The following POLR3E variants were observed in gnomAD, a reference collection of about 807,000 sequenced individuals.
The protein encoded by POLR3E is RNA polymerase III subunit E.
In POLR3E, 41 loss-of-function variants were observed where a neutral mutation model predicts 96.6. The observed-to-expected ratio is 0.42, with a 90% confidence interval of 0.33 to 0.55. POLR3E has a LOEUF of 0.55. Among genes scored for constraint, POLR3E ranks in the 20% least tolerant of loss-of-function variants. The pLI is 0.06. For missense variants in POLR3E, 849 were observed against 952.1 expected, an observed-to-expected ratio of 0.89 and a Z score of 1.43; for synonymous variants, 396 against 383.6, an observed-to-expected ratio of 1.03 and a Z score of -0.38.
chr16:22,332,967 CTTTTTTTTTTTTT>C lies in POLR3E; in HGVS notation c.2071-665_2071-653del, dbSNP rs1166614906. The stretch of plus-strand genomic sequence containing the variant: ...TCAGTATCTGTATTTCGTAGACCCC[CTTTTTTTTTTTTT>C]TTTTTTTTTTTGAGATGGAGTTTTG... On this transcript the variant is annotated intron_variant, in intron 20 of 20. Transcript: ENST00000299853. 8.3e-4 allele frequency among the ~76,000 whole-genome samples: 61 copies of C among 73,062 alleles called. 1 individual carries two copies. Among genetic ancestry groups the C allele is most frequent in the Admixed American group, 3.6e-3 (22 of 6,136 alleles). 47.9% of individuals were successfully genotyped at this position (73,062 alleles called of 152,430 possible). A position where few individuals can be genotyped will look rare whatever the true frequency, so the allele number is the denominator to read the frequency against.
rs1485496475 is a variant in POLR3E at position 22,309,234 on chromosome 16, C to G, written c.281+194C>G. 8 of 688,266 alleles carry G rather than the reference C, an allele frequency of 1.2e-5. No homozygotes were observed. The East Asian group carries it at 1.5e-4, about 13-fold the overall frequency. 42.6% of individuals were successfully genotyped at this position (688,266 alleles called of 1,614,324 possible). On this transcript the variant is annotated intron_variant, in intron 5 of 20. Coordinates refer to ENST00000299853, the MANE Select transcript of POLR3E (RefSeq NM_018119.4). ...CCCAGAGCTCCTACCCACTCCTCGT[C>G]TCTTGGTCTACAAACAAGGCCATGG...
At chr16:22,317,308 C>T in intron 12 of POLR3E, 102 bp downstream of exon 12, 1 of 821,690 alleles carries the variant, frequency 1.2e-6, no homozygotes, top group Admixed American at 2.1e-5. Flanking sequence ...GCCAGAGGCC[C>T]CTGCTGCCCA....
At chr16:22,305,310 C>T (rs2048112391) in intron 3 of POLR3E, 104 bp downstream of exon 3, 2 of 850,366 alleles carry the variant, frequency 2.4e-6, no homozygotes, top group East Asian at 2.4e-5. Context: ...AGCTAGGGTT[C>T]TCGGTGTGGA....
At chr16:22,298,994 G>A (rs13333149) in intron 1 of POLR3E, 20,666 of 455,800 alleles carry the variant, frequency 0.045, 1,009 homozygotes, top group African/African-American at 0.15. Flanking sequence ...TGGAGCTTAC[G>A]TTCTATTGCA....
chr16:22,309,421 G>A lies in POLR3E; in HGVS notation c.282-7G>A, dbSNP rs2048199198. ...CCCCTGTGACGTTGCTTCTCCCTGT[G>A]CTCCAGGAAGCTGATGGACAAGCAG... On this transcript the variant is annotated splice_polypyrimidine_tract_variant and splice_region_variant and intron_variant, in intron 5 of 20. Transcript: ENST00000299853. The A allele has an allele frequency of 6.2e-7, 1 of 1,610,872 alleles. No homozygotes were observed. The highest frequency in any genetic ancestry group is 1.3e-5 in the African/African-American group (1 of 74,876).
At position 22,322,229 on chromosome 16, in the gene POLR3E, G is replaced by A. The variant is rs1344493357; in HGVS notation, c.987-621G>A. ...AGAGGGAGGGACAGTCAGAGCACAGGTGCCGCAGCAGGGGCTGAGCCGGGG... is the reference window on the plus strand; with the variant it reads ...AGAGGGAGGGACAGTCAGAGCACAGATGCCGCAGCAGGGGCTGAGCCGGGG... On this transcript the variant is annotated intron_variant, in intron 13 of 20. Transcript: ENST00000299853. This position sits in a 1 kb window ranked among gnomAD's most constrained non-coding sequence, Gnocchi z 5.2. Among the ~76,000 whole-genome samples, 1 of 152,228 alleles carries A rather than the reference G, an allele frequency of 6.6e-6. No homozygotes were observed. Among genetic ancestry groups the A allele is most frequent in the Non-Finnish European group, 1.5e-5 (1 of 68,032 alleles).
At chr16:22,306,954 C>G (rs2048146002) in intron 3 of POLR3E, among the ~76,000 whole-genome samples, 1 of 152,358 alleles carries the variant, frequency 6.6e-6, no homozygotes, top group African/African-American at 2.4e-5. Flanking sequence ...GCCTCCACTC[C>G]CTGGGGTTCA....
At position 22,318,980 on chromosome 16, in the gene POLR3E, AT is replaced by A; in HGVS notation, c.986+41del. 3.3e-6 allele frequency: 5 copies of A among 1,504,590 alleles called. No individual in the cohort carries two copies. Among genetic ancestry groups the A allele is most frequent in the Non-Finnish European group, 4.5e-6 (5 of 1,109,206 alleles). The allele number at this position is 1,504,590 out of a possible 1,614,324, so 93.2% of individuals were successfully genotyped here. A position where few individuals can be genotyped will look rare whatever the true frequency, so the allele number is the denominator to read the frequency against. Reference sequence around the variant, plus strand: ...CTTTTTTTATTTTTTATTTTTATTTATTTTTTTCCTTGAGGCAGAGCTTCAC... The same window carrying A: ...CTTTTTTTATTTTTTATTTTTATTTATTTTTTCCTTGAGGCAGAGCTTCAC... On this transcript the variant is annotated intron_variant, in intron 13 of 20. Coordinates refer to ENST00000299853, the MANE Select transcript of POLR3E (RefSeq NM_018119.4). This position sits in a 1 kb window ranked among gnomAD's most constrained non-coding sequence, Gnocchi z 5.0.
intron 1 of POLR3E, among the ~76,000 whole-genome samples, chr16:22,298,269 T>C (rs1222692920): frequency 6.6e-6 from 1 of 152,158 alleles, no homozygotes; most frequent in East Asian, 1.9e-4. Context: ...ATAATAGAAA[T>C]TCCTACCTCA....
chr16:22,298,635 C>T (rs149056251), intron 1 of POLR3E, among the ~76,000 whole-genome samples: 228 of 152,248 alleles, frequency 1.5e-3, no homozygotes, highest in African/African-American at 4.9e-3. Flanking sequence ...ATCAGAAAAC[C>T]GTGCAGTATA....
At chr16:22,311,607 C>G (rs1476499158) in intron 6 of POLR3E, among the ~76,000 whole-genome samples, 1 of 151,852 alleles carries the variant, frequency 6.6e-6, no homozygotes, top group East Asian at 1.9e-4. Flanking sequence ...ATTGCCTTCC[C>G]TCAGTCTCCT....
intron 2 of POLR3E, among the ~76,000 whole-genome samples, chr16:22,303,762 T>G (rs1309624874): frequency 6.8e-6 from 1 of 147,358 alleles, no homozygotes; most frequent in Admixed American, 6.9e-5. Context: ...TGCCTCAGCC[T>G]CCTGAGTAGC....
At chr16:22,304,538 G>T (rs910909283) in intron 2 of POLR3E, among the ~76,000 whole-genome samples, 4 of 152,192 alleles carry the variant, frequency 2.6e-5, no homozygotes, top group African/African-American at 7.2e-5. Flanking sequence ...AGCAGTCAAG[G>T]CTCAGGGGAG....
chr16:22,314,268 G>C, intron 8 of POLR3E, 140 bp downstream of exon 8: 1 of 686,798 alleles, frequency 1.5e-6, no homozygotes, highest in Non-Finnish European at 2.6e-6. Flanking sequence ...GCTACCTGGA[G>C]GGAACAACCT....
At chr16:22,301,277 GGAT>G (rs2141722243) in intron 1 of POLR3E, among the ~76,000 whole-genome samples, 1 of 152,198 alleles carries the variant, frequency 6.6e-6, no homozygotes, top group African/African-American at 2.4e-5. Flanking sequence ...GGTTTACATG[GGAT>G]GATAAAGACT....
chr16:22,298,535 C>T (rs915870692), intron 1 of POLR3E, among the ~76,000 whole-genome samples: 4 of 152,138 alleles, frequency 2.6e-5, no homozygotes, highest in East Asian at 1.9e-4. Flanking sequence ...TCAGGTGGGT[C>T]ACAGATGCCA....
rs1230110285 is a variant in POLR3E, at chr16:22,323,000, C to T, written c.1068+69C>T. The T allele has an allele frequency of 9.9e-6, 11 of 1,115,648 alleles. No homozygotes were observed. The Admixed American group carries it at 1.2e-4, about 12-fold the overall frequency. The allele number at this position is 1,115,648 out of a possible 1,614,324, so 69.1% of individuals were successfully genotyped here. On this transcript the variant is annotated intron_variant, in intron 14 of 20. Transcript: ENST00000299853. This position sits in a 1 kb window ranked among gnomAD's most constrained non-coding sequence, Gnocchi z 5.2. The stretch of plus-strand genomic sequence containing the variant: ...AGAGGGGGGCAGCGGTGCAGGGCTT[C>T]TGAAGACCGGGGCCCGGCAGAGGCT...
chr16:22,328,822 G>GAATC (rs1424226263), intron 19 of POLR3E: 2 of 492,026 alleles, frequency 4.1e-6, no homozygotes, highest in Admixed American at 6.5e-5. Flanking sequence ...AGCTCCATCA[G>GAATC]AATCATCTTT....
chr16:22,323,599 TCTC>T (rs1257893156), intron 14 of POLR3E, among the ~76,000 whole-genome samples: 1 of 152,044 alleles, frequency 6.6e-6, no homozygotes, highest in East Asian at 1.9e-4. Flanking sequence ...ATCTGCCTCT[TCTC>T]TTCCTGAAGG....
Sources: gnomAD v4.1 joint callset for allele counts (sites outside exome capture counted in the v4.1 genomes callset) on GRCh38, gnomAD v4.1.1 for gene constraint, Gnocchi (gnomAD v3.1) non-coding constraint, MANE v1.5 for transcripts, NCBI Gene and HGNC (gene_info 2026-07-23, HGNC 2026-07-21) for gene names.